Variants in ATP10A observed in about 807,000 individuals in gnomAD.
ATP10A encodes phospholipid-transporting ATPase VA.
A neutral mutation model predicts 147.8 loss-of-function variants in ATP10A; 111 were observed. The observed-to-expected ratio is 0.75, with a 90% CI of 0.64 to 0.88. The LOEUF is 0.88. Ranked by LOEUF, ATP10A falls within the 40% of genes least tolerant of loss-of-function variation. ATP10A has a pLI of 0.00. For synonymous variants in ATP10A, 875 were observed against 841.6 expected (o/e 1.04, Z -0.69); for missense variants, 1,927 against 1,959.0 (o/e 0.98, Z 0.31).
chr15:25,735,929 A>T (rs989321701), intron 3 of ATP10A, 127 bp downstream of exon 3: 3 of 876,612 alleles, frequency 3.4e-6, no homozygotes, highest in Admixed American at 4.1e-5. Flanking sequence ...GCTGGGCCAC[A>T]TTCCCAAACA....
At chr15:25,779,845 A>AACACACACACACAC (rs56111172) in intron 2 of ATP10A, among the ~76,000 whole-genome samples, 3,759 of 147,284 alleles carry the variant, frequency 0.026, 113 homozygotes, top group Admixed American at 0.088. Context: ...AGAAGGTTAA[A>AACACACACACACAC]ACACACACAC....
rs761690301 is a variant in ATP10A, at chr15:25,862,837, G to A, written c.260C>T (p.Ala87Val). 2.5e-6 allele frequency: 4 copies of A among 1,609,794 alleles called. No individual in the cohort carries two copies. The highest frequency in any genetic ancestry group is 1.1e-5 in the South Asian group (1 of 90,208). Reference sequence around the variant, plus strand: ...CGCGATGAAGACAAAGTACACGTTGGCCGGGCGGTGGAACTGCTCGAACAG... The same window carrying A: ...CGCGATGAAGACAAAGTACACGTTGACCGGGCGGTGGAACTGCTCGAACAG... ...KNLFEQFHRP[A>V]NVYFVFIALL... Residue 87 changes from alanine (A) to valine (V), a missense_variant, in exon 1 of 21, where the codon GCC becomes GTC. Physicochemically the swap from Ala to Val is moderately conservative, Grantham distance 64 (BLOSUM62 0). Transcript: ENST00000555815.
rs1278620354 is a variant in ATP10A at position 25,721,584 on chromosome 15, G to GTC, written c.1363+71_1363+72dup. The GTC allele has an allele frequency of 3.4e-5, 39 of 1,148,114 alleles. No individual in the cohort carries two copies. The African/African-American group carries it at 4.8e-4, about 14-fold the overall frequency. 71.1% of individuals were successfully genotyped at this position (1,148,114 alleles called of 1,614,324 possible). On this transcript the variant is annotated intron_variant, in intron 7 of 20. Coordinates refer to ENST00000555815, the MANE Select transcript of ATP10A (RefSeq NM_024490.4). ...TGTGTGTGTGTGTGTGTGTGTGTGT[G>GTC]TCTCCAAACAATTCTGGATAGGGCA...
At chr15:25,768,115 C>A (rs1889124730) in intron 2 of ATP10A, among the ~76,000 whole-genome samples, 2 of 152,208 alleles carry the variant, frequency 1.3e-5, no homozygotes, top group African/African-American at 4.8e-5. Flanking sequence ...GAGGGACAGC[C>A]AGGTCAGAGG....
chr15:25,844,082 C>T (rs2140896298), intron 1 of ATP10A, among the ~76,000 whole-genome samples: 1 of 152,200 alleles, frequency 6.6e-6, no homozygotes, highest in East Asian at 1.9e-4. Flanking sequence ...ATGAAGGAGT[C>T]AAAATTTCAG....
intron 1 of ATP10A, chr15:25,862,434 C>A: frequency 1.5e-6 from 1 of 664,160 alleles, no homozygotes; most frequent in Admixed American, 2.3e-5. Flanking sequence ...TCCCCGCATC[C>A]AGGGCGCCCC....
chr15:25,680,086 G>A lies in ATP10A; in HGVS notation c.3866+35C>T, dbSNP rs778707138. 51 of 1,603,798 alleles carry A rather than the reference G, an allele frequency of 3.2e-5. No individual in the cohort carries two copies. The South Asian group carries it at 5.1e-4, about 16-fold the overall frequency. On this transcript the variant is annotated intron_variant, in intron 20 of 20. Coordinates refer to ENST00000555815, the MANE Select transcript of ATP10A (RefSeq NM_024490.4). Reference sequence around the variant, plus strand: ...ATGCCAATGTCGTCTGGGCTCACTCGGGGCTCAGAGGCACTATCCCGCTCC... The same window carrying A: ...ATGCCAATGTCGTCTGGGCTCACTCAGGGCTCAGAGGCACTATCCCGCTCC...
intron 10 of ATP10A, among the ~76,000 whole-genome samples, chr15:25,712,427 T>G (rs1419836744): frequency 6.6e-6 from 1 of 152,194 alleles, no homozygotes; most frequent in African/African-American, 2.4e-5. Context: ...AGCCCCCACA[T>G]GCCAGGGCCA....
At chr15:25,759,956 T>A (rs1215504025) in intron 2 of ATP10A, among the ~76,000 whole-genome samples, 1 of 147,628 alleles carries the variant, frequency 6.8e-6, no homozygotes, top group East Asian at 2.0e-4. Flanking sequence ...TGTGTTCCTA[T>A]CTGATCATGT....
rs1185531572 is a variant in ATP10A, at chr15:25,713,981, C to T, written c.2037G>A (p.Ser679=). Residue 679 remains serine (S), a synonymous_variant, in exon 10 of 21, where the codon TCG becomes TCA. Transcript: ENST00000555815. ...CTGACTCCTGCTCCTGAGCAAGCTC[C>T]GAGGCCCAGTTGTCCGCCTGGCTGC... is the stretch of plus-strand genomic sequence containing the variant. ...GYSSQADNWA[S]ELAQEQESER... 2 of 1,609,848 alleles carry T rather than the reference C, an allele frequency of 1.2e-6. No homozygotes were observed. The highest frequency in any genetic ancestry group is 1.7e-6 in the Non-Finnish European group (2 of 1,179,944).
At chr15:25,708,471 A>AT in intron 10 of ATP10A, 171 bp from the exon 11 acceptor site, 1 of 256,224 alleles carries the variant, frequency 3.9e-6, no homozygotes. Context: ...GAGTCTCATC[A>AT]ATATGTTTGA....
At chr15:25,742,039 T>C (rs1211910022) in intron 2 of ATP10A, among the ~76,000 whole-genome samples, 1 of 152,200 alleles carries the variant, frequency 6.6e-6, no homozygotes, top group African/African-American at 2.4e-5. Flanking sequence ...AGCAATGTAA[T>C]CTATAATAGC....
chr15:25,774,382 C>T (rs963275056), intron 2 of ATP10A, among the ~76,000 whole-genome samples: 2 of 152,162 alleles, frequency 1.3e-5, no homozygotes, highest in East Asian at 3.9e-4. Context: ...CAAGACCAGC[C>T]TGACCAAGAC....
At chr15:25,820,842 T>C (rs1036451601) in intron 1 of ATP10A, among the ~76,000 whole-genome samples, 4 of 152,054 alleles carry the variant, frequency 2.6e-5, no homozygotes, top group Non-Finnish European at 2.9e-5. Flanking sequence ...TGTAGGCAAA[T>C]ATTTGCATAT....
intron 17 of ATP10A, among the ~76,000 whole-genome samples, chr15:25,681,924 G>A (rs922695771): frequency 3.3e-5 from 5 of 151,974 alleles, no homozygotes; most frequent in Non-Finnish European, 7.4e-5. Context: ...CATGGTGGTG[G>A]GCGCCTGTAG....
At chr15:25,687,410 T>G (rs1192208957) in intron 16 of ATP10A, among the ~76,000 whole-genome samples, 1 of 151,958 alleles carries the variant, frequency 6.6e-6, no homozygotes. Context: ...ACTGCTAGCC[T>G]CATAATTATG....
intron 15 of ATP10A, among the ~76,000 whole-genome samples, chr15:25,690,734 T>G (rs1163461639): frequency 6.6e-6 from 1 of 152,258 alleles, no homozygotes; most frequent in African/African-American, 2.4e-5. Flanking sequence ...TTTCTTGAGC[T>G]TCCCCTTGTG....
At chr15:25,850,225 G>C (rs1199017624) in intron 1 of ATP10A, among the ~76,000 whole-genome samples, 4 of 152,156 alleles carry the variant, frequency 2.6e-5, no homozygotes, top group Non-Finnish European at 5.9e-5. Flanking sequence ...TGTTCAGAGA[G>C]AGAGAGTCAG....
At chr15:25,829,111 C>T (rs756535320) in intron 1 of ATP10A, among the ~76,000 whole-genome samples, 1 of 152,200 alleles carries the variant, frequency 6.6e-6, no homozygotes, top group Non-Finnish European at 1.5e-5. Context: ...ATTTTATTTC[C>T]TTCTTTCCCA....
Sources: gnomAD v4.1 joint callset for allele counts (sites outside exome capture counted in the v4.1 genomes callset) on GRCh38, gnomAD v4.1.1 for gene constraint, MANE v1.5 for transcripts, NCBI Gene and HGNC (gene_info 2026-07-23, HGNC 2026-07-21) for gene names.